CLPTM1L: variants seen among roughly 807,000 people sequenced by gnomAD.
The protein encoded by CLPTM1L is CLPTM1 like, also known as lipid scramblase CLPTM1L.
CLPTM1L carries 38 observed loss-of-function variants against 70.9 expected under a neutral mutation model. That is an observed-to-expected ratio of 0.54 (90% CI 0.41 to 0.70). CLPTM1L has a LOEUF of 0.70. Ranked by LOEUF, CLPTM1L falls within the 30% of genes least tolerant of loss-of-function variation. The pLI is 0.00. For missense variants in CLPTM1L, 652 were observed against 705.9 expected (o/e 0.92, Z 0.87); for synonymous variants, 339 against 299.9 (o/e 1.13, Z -1.35).
chr5:1,331,403 A>C, intron 8 of CLPTM1L: 1 of 248,572 alleles, frequency 4.0e-6, no homozygotes, highest in Non-Finnish European at 7.9e-6. Context: ...CGGGGAAGGA[A>C]CACCGGCGGG....
In CLPTM1L at chr5:1,338,261, C is replaced by T. The variant is rs190295587; in HGVS notation, c.600-279G>A. On this transcript the variant is annotated intron_variant, in intron 4 of 16. Transcript: ENST00000320895. ...AGCGGGGGAATTACAGGGACACGGCCGTACAGCAGAACCCAGGGCCCTCTG... is the reference window on the plus strand; with the variant it reads ...AGCGGGGGAATTACAGGGACACGGCTGTACAGCAGAACCCAGGGCCCTCTG... The T allele has an allele frequency of 1.1e-3, 591 of 517,072 alleles. 3 individuals carry two copies. Among genetic ancestry groups the T allele is most frequent in the African/African-American group, 0.01 (535 of 52,124 alleles). 32.0% of individuals were successfully genotyped at this position (517,072 alleles called of 1,614,324 possible). A position where few individuals can be genotyped will look rare whatever the true frequency, so the allele number is the denominator to read the frequency against.
intron 9 of CLPTM1L, chr5:1,326,224 C>T (rs1005480269): frequency 4.3e-5 from 11 of 253,250 alleles, no homozygotes; most frequent in Middle Eastern, 1.4e-3. Flanking sequence ...GAGCTCAGGA[C>T]GGGTGCCAGA....
chr5:1,342,838 C>T lies in CLPTM1L; in HGVS notation c.264-978G>A, dbSNP rs1159920700. On this transcript the variant is annotated intron_variant, in intron 2 of 16. Transcript: ENST00000320895. The surrounding 1 kb of genome is among the most constrained non-coding windows in gnomAD (Gnocchi z 4.3). ...TGCTGGGCTCAAGTGATCCTCCCGC[C>T]TTGGCCTCCCAAACTGCTGGGATTA... is the stretch of plus-strand genomic sequence containing the variant. Among the ~76,000 whole-genome samples, 1 of 152,266 alleles carries T rather than the reference C, an allele frequency of 6.6e-6. No homozygotes were observed. Among genetic ancestry groups the T allele is most frequent in the Non-Finnish European group, 1.5e-5 (1 of 68,046 alleles).
rs376373337 is a variant in CLPTM1L at position 1,342,040 on chromosome 5, G to GTA, written c.264-181_264-180insTA. 3.7e-5 allele frequency among the ~76,000 whole-genome samples: 2 copies of GTA among 54,430 alleles called. No homozygotes were observed. Among genetic ancestry groups the GTA allele is most frequent in the Admixed American group, 1.3e-4 (1 of 7,478 alleles). 35.7% of individuals were successfully genotyped at this position (54,430 alleles called of 152,430 possible). The stretch of plus-strand genomic sequence containing the variant: ...TGTGTGTGTGTGTGTGTGTGTGTGT[G>GTA]CACGCGCACGCGTGCGCGTCCTGAG... On this transcript the variant is annotated intron_variant, in intron 2 of 16. Coordinates refer to ENST00000320895, the MANE Select transcript of CLPTM1L (RefSeq NM_030782.5). The surrounding 1 kb of genome is among the most constrained non-coding windows in gnomAD (Gnocchi z 4.3).
intron 5 of CLPTM1L, among the ~76,000 whole-genome samples, chr5:1,337,255 A>G (rs528855667): frequency 6.6e-6 from 1 of 152,384 alleles, no homozygotes; most frequent in East Asian, 1.9e-4. Context: ...CATGTGCAGT[A>G]AGAGACATTA....
At chr5:1,319,363 G>GGGA (rs1722778138) in intron 16 of CLPTM1L, among the ~76,000 whole-genome samples, 1 of 137,858 alleles carries the variant, frequency 7.3e-6, no homozygotes, top group African/African-American at 2.6e-5. Context: ...CAGGGTGGGG[G>GGGA]GGGGCAGCCG....
rs375063341 is a variant in CLPTM1L, at chr5:1,325,763, C to T, written c.1134G>A (p.Met378Ile). 6.2e-7 allele frequency: 1 copy of T among 1,613,742 alleles called. No homozygotes were observed. Among genetic ancestry groups the T allele is most frequent in the Admixed American group, 1.7e-5 (1 of 60,016 alleles). ...LKMTIFWRGL[M>I]PEFQFGTYSE... is the part of the protein sequence containing the mutation. ...AACTAAATCCTACCTGAAATTCGGG[C>T]ATCAGGCCTCTCCAAAAAATAGTCA... Residue 378 changes from methionine (M) to isoleucine (I), a missense_variant, in exon 10 of 17, where the codon ATG becomes ATA. Physicochemically the swap from Met to Ile is conservative, Grantham distance 10. Around this residue, in one of 3 missense-constraint regions of CLPTM1L, gnomAD observed 240 missense variants for 295.0 expected, o/e 0.81. Coordinates refer to ENST00000320895, the MANE Select transcript of CLPTM1L (RefSeq NM_030782.5).
intron 12 of CLPTM1L, 76 bp from the exon 13 acceptor site, chr5:1,322,987 C>T: frequency 7.1e-7 from 1 of 1,416,936 alleles, no homozygotes; most frequent in Non-Finnish European, 1.0e-6. Flanking sequence ...AAAAATAATT[C>T]TTTCATTAAA....
At chr5:1,343,913 CAT>C (rs1192792602) in intron 2 of CLPTM1L, among the ~76,000 whole-genome samples, 1 of 152,252 alleles carries the variant, frequency 6.6e-6, no homozygotes, top group Admixed American at 6.5e-5. Context: ...TCTAACGTCA[CAT>C]GTCACTTATT....
At chr5:1,343,855 G>A (rs529410189) in intron 2 of CLPTM1L, among the ~76,000 whole-genome samples, 15 of 152,292 alleles carry the variant, frequency 9.8e-5, no homozygotes, top group African/African-American at 2.6e-4. Flanking sequence ...ATTAGGCCAT[G>A]TCAGATGTAA....
intron 5 of CLPTM1L, 31 bp from the exon 6 acceptor site, chr5:1,335,205 C>A (rs1488600605): frequency 2.6e-6 from 4 of 1,563,564 alleles, no homozygotes; most frequent in East Asian, 2.2e-5. Context: ...GAGGGCCCTG[C>A]CCTCATACCC....
At chr5:1,322,984 ATTCT>A (rs1041212936) in intron 12 of CLPTM1L, 73 bp from the exon 13 acceptor site, 162 of 1,418,388 alleles carry the variant, frequency 1.1e-4, no homozygotes, top group Non-Finnish European at 1.2e-4. Flanking sequence ...ATGAAAAATA[ATTCT>A]TTCATTAAAA....
chr5:1,325,748 T>C lies in CLPTM1L; in HGVS notation c.1146+3A>G, dbSNP rs4997130. On this transcript the variant is annotated splice_donor_region_variant and intron_variant, in intron 10 of 16. Transcript: ENST00000320895. ...GGGTTCAGCCATTACAACTAAATCC[T>C]ACCTGAAATTCGGGCATCAGGCCTC... The C allele has an allele frequency of 1.2e-6, 2 of 1,612,632 alleles. No homozygotes were observed. Among genetic ancestry groups the C allele is most frequent in the Non-Finnish European group, 1.7e-6 (2 of 1,178,664 alleles).
At position 1,326,295 on chromosome 5, in the gene CLPTM1L, C is replaced by G; in HGVS notation, c.1081-479G>C. 1.6e-5 allele frequency: 4 copies of G among 256,192 alleles called. No individual in the cohort carries two copies. In the South Asian group the frequency reaches 1.9e-4, roughly 12 times the overall value. The allele number at this position is 256,192 out of a possible 1,614,324, so 15.9% of individuals were successfully genotyped here. On this transcript the variant is annotated intron_variant, in intron 9 of 16. Coordinates refer to ENST00000320895, the MANE Select transcript of CLPTM1L (RefSeq NM_030782.5). ...GACCCTGCCTGTGGAGCTCCAGCGT[C>G]ATTTCATCCAGCTCCTCCTCTACAG...
At position 1,334,182 on chromosome 5, in the gene CLPTM1L, A is replaced by G. The variant is rs1347254655; in HGVS notation, c.891+107T>C. On this transcript the variant is annotated intron_variant, in intron 7 of 16. Transcript: ENST00000320895. ...ATGGGAGTGGACACTTGAGGGCCAC[A>G]GGGCTGGACGGCGCCCACAAACCCC... 6 of 726,076 alleles carry G rather than the reference A, an allele frequency of 8.3e-6. No homozygotes were observed. In the East Asian group the frequency reaches 1.6e-4, roughly 19 times the overall value. The allele number at this position is 726,076 out of a possible 1,614,324, so 45.0% of individuals were successfully genotyped here.
In CLPTM1L at chr5:1,344,650, C is replaced by T. The variant is rs1254747831; in HGVS notation, c.162+30G>A. The T allele has an allele frequency of 3.2e-6, 5 of 1,542,928 alleles. No individual in the cohort carries two copies. In the Admixed American group the frequency reaches 9.9e-5, roughly 30 times the overall value. ...TGGAGGAGAGGCCCCCACCCCAACCCGCCCGGCCCCCGGCCCCGCGGACGC... is the reference window on the plus strand; with the variant it reads ...TGGAGGAGAGGCCCCCACCCCAACCTGCCCGGCCCCCGGCCCCGCGGACGC... On this transcript the variant is annotated intron_variant, in intron 1 of 16. Coordinates refer to ENST00000320895, the MANE Select transcript of CLPTM1L (RefSeq NM_030782.5).
chr5:1,322,159 G>T (rs943900033), intron 13 of CLPTM1L, among the ~76,000 whole-genome samples: 1 of 152,220 alleles, frequency 6.6e-6, no homozygotes, highest in African/African-American at 2.4e-5. Context: ...TGCCCCAGGG[G>T]TCAGGTGTGG....
chr5:1,331,937 G>C, intron 7 of CLPTM1L, 54 bp from the exon 8 acceptor site: 1 of 1,445,074 alleles, frequency 6.9e-7, no homozygotes, highest in South Asian at 1.2e-5. Flanking sequence ...TCCATCTCCT[G>C]TGAGACAGAG....
At chr5:1,339,060 C>G (rs939526348) in intron 3 of CLPTM1L, 55 bp from the exon 4 acceptor site, 3 of 1,577,080 alleles carry the variant, frequency 1.9e-6, no homozygotes, top group South Asian at 2.3e-5. Context: ...ATGCCCAGGA[C>G]AGCAGGGTCA....
Sources: gnomAD v4.1 joint callset for allele counts (sites outside exome capture counted in the v4.1 genomes callset) on GRCh38, gnomAD v4.1.1 for gene constraint, gnomAD v4.1.1 regional missense constraint, Gnocchi (gnomAD v3.1) non-coding constraint, MANE v1.5 for transcripts, NCBI Gene and HGNC (gene_info 2026-07-23, HGNC 2026-07-21) for gene names.